The following DGKG variants were observed in gnomAD, a reference collection of about 807,000 sequenced individuals.
DGKG encodes the protein diacylglycerol kinase gamma.
Under a neutral mutation model 105.3 loss-of-function variants are expected in DGKG, and 78 were observed. That is an observed-to-expected ratio of 0.74 (90% confidence interval 0.62 to 0.89). The LOEUF is 0.89. DGKG is among the 40% of genes least tolerant of loss of function. DGKG has a pLI of 0.00. For missense variants in DGKG, 958 were observed against 1,020.1 expected (o/e 0.94, Z 0.83); for synonymous variants, 346 against 367.1 (o/e 0.94, Z 0.66).
At chr3:186,346,171 G>A (rs552802612) in intron 1 of DGKG, among the ~76,000 whole-genome samples, 1 of 152,268 alleles carries the variant, frequency 6.6e-6, no homozygotes, top group African/African-American at 2.4e-5. Flanking sequence ...TCCTTCACAT[G>A]CTTGGTTTGA....
intron 19 of DGKG, among the ~76,000 whole-genome samples, chr3:186,242,985 T>C (rs1720761784): frequency 6.6e-6 from 1 of 152,110 alleles, no homozygotes; most frequent in Non-Finnish European, 1.5e-5. Flanking sequence ...CTTTTTAAAA[T>C]AGTTTTTATT....
chr3:186,340,828 T>C (rs985291436), intron 1 of DGKG, among the ~76,000 whole-genome samples: 18 of 152,210 alleles, frequency 1.2e-4, no homozygotes, highest in African/African-American at 4.3e-4. Context: ...CAGACATCAA[T>C]TCGCCAAGTT....
chr3:186,242,041 C>T (rs1174761704), intron 20 of DGKG, among the ~76,000 whole-genome samples: 1 of 152,184 alleles, frequency 6.6e-6, no homozygotes, highest in East Asian at 1.9e-4. Flanking sequence ...CCCTTCTGGT[C>T]CTCCTGGTCC....
At position 186,155,038 on chromosome 3, in the gene DGKG, T is replaced by C. The variant is rs945532723; in HGVS notation, c.2278-4850A>G. Among the ~76,000 whole-genome samples the C allele has an allele frequency of 3.9e-5, 6 of 152,188 alleles. No individual in the cohort carries two copies. The East Asian group carries it at 1.2e-3, about 29-fold the overall frequency. ...ATTCTGAATTTTGAGGCTCAGATTATGCCACCTAACTGTGATGGTGAAGCA... is the reference window on the plus strand; with the variant it reads ...ATTCTGAATTTTGAGGCTCAGATTACGCCACCTAACTGTGATGGTGAAGCA... On this transcript the variant is annotated intron_variant, in intron 24 of 24. Coordinates refer to ENST00000265022, the MANE Select transcript of DGKG (RefSeq NM_001346.3).
chr3:186,257,680 TC>T (rs1227853963), intron 17 of DGKG, 173 bp downstream of exon 17: 4 of 555,730 alleles, frequency 7.2e-6, no homozygotes, highest in African/African-American at 7.0e-5. Flanking sequence ...TTGTCTTATT[TC>T]TTTTTTTTTT....
chr3:186,223,899 C>T (rs1209249578), intron 20 of DGKG, among the ~76,000 whole-genome samples: 4 of 152,168 alleles, frequency 2.6e-5, no homozygotes, highest in African/African-American at 9.7e-5. Context: ...TCTCTAAGGT[C>T]GTGCTCCTCT....
chr3:186,246,565 T>C (rs184295665), intron 19 of DGKG, among the ~76,000 whole-genome samples: 122 of 152,234 alleles, frequency 8.0e-4, no homozygotes, highest in Non-Finnish European at 1.3e-3. Flanking sequence ...TTATTTGAAA[T>C]TGGGGTTGTT....
In DGKG at chr3:186,265,316, G is replaced by T. The variant is rs759373053; in HGVS notation, c.1210-10C>A. On this transcript the variant is annotated splice_polypyrimidine_tract_variant and intron_variant, in intron 13 of 24. Coordinates refer to ENST00000265022, the MANE Select transcript of DGKG (RefSeq NM_001346.3). Reference sequence around the variant, plus strand: ...TCTCACCTGGCCTGTCCTGTGACAAGAAAGGAAAGACAAGCATCTTTTGGA... The same window carrying T: ...TCTCACCTGGCCTGTCCTGTGACAATAAAGGAAAGACAAGCATCTTTTGGA... The T allele has an allele frequency of 1.9e-6, 3 of 1,613,832 alleles. No homozygotes were observed. The highest frequency in any genetic ancestry group is 2.5e-6 in the Non-Finnish European group (3 of 1,179,824).
At chr3:186,350,662 C>T (rs1408223342) in intron 1 of DGKG, among the ~76,000 whole-genome samples, 1 of 152,204 alleles carries the variant, frequency 6.6e-6, no homozygotes, top group African/African-American at 2.4e-5. Flanking sequence ...TGAGGACCCA[C>T]TGTGCTGTTT....
rs776614337 is a variant in DGKG at position 186,284,637 on chromosome 3, G to T, written c.594+23C>A. On this transcript the variant is annotated intron_variant, in intron 7 of 24. Transcript: ENST00000265022. The surrounding 1 kb of genome is among the most constrained non-coding windows in gnomAD (Gnocchi z 4.0). The stretch of plus-strand genomic sequence containing the variant: ...CCCCAGCCTTTCTCAGGTCCATGAG[G>T]GATATTTAGAGTGAGAACTTACCGC... 13 of 1,605,258 alleles carry T rather than the reference G, an allele frequency of 8.1e-6. No individual in the cohort carries two copies. Among genetic ancestry groups the T allele is most frequent in the Non-Finnish European group, 1.1e-5 (13 of 1,172,030 alleles).
chr3:186,351,374 G>T (rs771966003), intron 1 of DGKG, among the ~76,000 whole-genome samples: 2 of 152,076 alleles, frequency 1.3e-5, no homozygotes, highest in Non-Finnish European at 2.9e-5. Context: ...TTTGAAAGTG[G>T]TATCCCTGCA....
intron 1 of DGKG, among the ~76,000 whole-genome samples, chr3:186,341,717 G>A (rs886319050): frequency 6.6e-5 from 10 of 152,058 alleles, no homozygotes; most frequent in Admixed American, 2.6e-4. Context: ...ACATGCACAC[G>A]TATGTTTACT....
chr3:186,248,150 C>T (rs1357647930), intron 19 of DGKG, among the ~76,000 whole-genome samples: 1 of 152,222 alleles, frequency 6.6e-6, no homozygotes, highest in African/African-American at 2.4e-5. Flanking sequence ...TGTGTTCATC[C>T]ATTTGGTCAG....
chr3:186,315,314 T>C (rs146771567), intron 2 of DGKG, among the ~76,000 whole-genome samples: 58 of 152,290 alleles, frequency 3.8e-4, no homozygotes, highest in African/African-American at 1.3e-3. Context: ...TTGAAGCCAT[T>C]CAAAATTAAC....
intron 21 of DGKG, among the ~76,000 whole-genome samples, chr3:186,194,803 T>TTAAAAAAAA (rs1718094274): frequency 9.5e-6 from 1 of 105,410 alleles, no homozygotes; most frequent in Admixed American, 1.2e-4. Context: ...GGTCTTTCTT[T>TTAAAAAAAA]AAAAAAAAAA....
intron 2 of DGKG, among the ~76,000 whole-genome samples, chr3:186,314,224 C>T (rs1298769274): frequency 1.7e-5 from 2 of 118,024 alleles, no homozygotes; most frequent in Admixed American, 9.1e-5. Context: ...CACACACACA[C>T]ATTAATGTAT....
At chr3:186,352,499 A>G (rs1726681481) in intron 1 of DGKG, among the ~76,000 whole-genome samples, 1 of 152,086 alleles carries the variant, frequency 6.6e-6, no homozygotes, top group Non-Finnish European at 1.5e-5. Context: ...CATCTATCCA[A>G]TTACATCTCC....
At chr3:186,344,586 A>G (rs1359198183) in intron 1 of DGKG, among the ~76,000 whole-genome samples, 1 of 152,104 alleles carries the variant, frequency 6.6e-6, no homozygotes, top group East Asian at 1.9e-4. Flanking sequence ...CACGGATTCT[A>G]CTTGAGTGGG....
chr3:186,272,128 G>A (rs1375679168), intron 11 of DGKG, 127 bp downstream of exon 11: 4 of 706,790 alleles, frequency 5.7e-6, no homozygotes, highest in East Asian at 5.2e-5. Flanking sequence ...TGGTTTACAG[G>A]TGGTCCTCAA....
Sources: gnomAD v4.1 joint callset for allele counts (sites outside exome capture counted in the v4.1 genomes callset) on GRCh38, gnomAD v4.1.1 for gene constraint, Gnocchi (gnomAD v3.1) non-coding constraint, MANE v1.5 for transcripts, NCBI Gene and HGNC (gene_info 2026-07-23, HGNC 2026-07-21) for gene names.